The following INPP4B variants were observed in gnomAD, a reference collection of about 807,000 sequenced individuals.
INPP4B encodes inositol polyphosphate 4-phosphatase type II.
In INPP4B, 55 loss-of-function variants were observed where a neutral mutation model predicts 122.5. The ratio of observed to expected loss-of-function variants is 0.45; its 90% CI spans 0.36 to 0.56. The LOEUF (loss-of-function observed/expected upper bound fraction) is 0.56, where lower values mean the gene tolerates loss of function less well. Ranked by LOEUF, INPP4B falls within the 20% of genes least tolerant of loss-of-function variation. The pLI, the probability that INPP4B is intolerant of heterozygous loss-of-function variation, is 0.00. For missense variants in INPP4B, 1,000 were observed against 1,097.7 expected (o/e 0.91, Z 1.26); for synonymous variants, 403 against 388.7 (o/e 1.04, Z -0.43).
intron 2 of INPP4B, among the ~76,000 whole-genome samples, chr4:142,521,552 T>C (rs1219882377): frequency 6.6e-6 from 1 of 152,002 alleles, no homozygotes; most frequent in Non-Finnish European, 1.5e-5. Flanking sequence ...TTTGCCATAT[T>C]TGGTTCAGAT....
At chr4:142,227,113 G>A (rs1476089554) in intron 12 of INPP4B, among the ~76,000 whole-genome samples, 1 of 152,128 alleles carries the variant, frequency 6.6e-6, no homozygotes, top group Non-Finnish European at 1.5e-5. Flanking sequence ...GAACTCCATG[G>A]CAGTGGATGC....
At chr4:142,803,101 G>A (rs1422443617) in intron 1 of INPP4B, among the ~76,000 whole-genome samples, 1 of 151,096 alleles carries the variant, frequency 6.6e-6, no homozygotes, top group African/African-American at 2.4e-5. Flanking sequence ...GAACCCAGGA[G>A]GCGGAGGTTG....
chr4:142,618,566 A>G (rs1419826317), intron 2 of INPP4B, among the ~76,000 whole-genome samples: 2 of 152,222 alleles, frequency 1.3e-5, no homozygotes, highest in Middle Eastern at 3.4e-3. Context: ...TTCTTCCACT[A>G]TACACATACA....
Position 142,243,428 on chromosome 4 carries a change from T to A in INPP4B, c.689-5417A>T, listed in dbSNP as rs563460998. 8.5e-4 allele frequency among the ~76,000 whole-genome samples: 129 copies of A among 152,272 alleles called. 1 individual carries two copies. The highest frequency in any genetic ancestry group is 1.7e-3 in the Non-Finnish European group (116 of 68,022). ...TAATGAAAACATATGGAAATTTCAA[T>A]AGAGCAAAGCCAGTGGATTGCATCA... On this transcript the variant is annotated intron_variant, in intron 11 of 25. Transcript: ENST00000262992.
At chr4:142,248,811 T>G (rs944307088) in intron 11 of INPP4B, among the ~76,000 whole-genome samples, 3 of 152,138 alleles carry the variant, frequency 2.0e-5, no homozygotes, top group African/African-American at 7.2e-5. Context: ...GAATTTTTTT[T>G]CTACCAATAA....
intron 1 of INPP4B, among the ~76,000 whole-genome samples, chr4:142,812,475 GTTT>G: frequency 6.6e-6 from 1 of 152,044 alleles, no homozygotes; most frequent in Non-Finnish European, 1.5e-5. Flanking sequence ...AAATATAGCT[GTTT>G]AACAAATTCC....
At chr4:142,381,223 TGA>T (rs1209202382) in intron 7 of INPP4B, among the ~76,000 whole-genome samples, 1 of 152,184 alleles carries the variant, frequency 6.6e-6, no homozygotes, top group African/African-American at 2.4e-5. Flanking sequence ...CAGCAATGTA[TGA>T]GAGTACGCTT....
intron 6 of INPP4B, 110 bp downstream of exon 6, chr4:142,405,096 A>G: frequency 1.7e-6 from 1 of 601,972 alleles, no homozygotes; most frequent in Admixed American, 2.8e-5. Flanking sequence ...CTGTTCATTC[A>G]AATCCAGAGA....
At chr4:142,627,801 T>C (rs1037898421) in intron 2 of INPP4B, among the ~76,000 whole-genome samples, 4 of 152,172 alleles carry the variant, frequency 2.6e-5, no homozygotes, top group African/African-American at 7.2e-5. Context: ...CTTTTTCTAT[T>C]GATTGGAATA....
At chr4:142,175,958 T>A (rs1827955673) in intron 15 of INPP4B, among the ~76,000 whole-genome samples, 1 of 151,928 alleles carries the variant, frequency 6.6e-6, no homozygotes, top group Non-Finnish European at 1.5e-5. Flanking sequence ...CACTTCTATG[T>A]GATCCCTCTT....
chr4:142,187,095 A>T (rs1833499707), intron 15 of INPP4B, among the ~76,000 whole-genome samples: 1 of 152,170 alleles, frequency 6.6e-6, no homozygotes, highest in Non-Finnish European at 1.5e-5. Context: ...AGGAAAAAAA[A>T]AATGTACTCC....
At chr4:142,760,585 C>T (rs1771184432) in intron 1 of INPP4B, among the ~76,000 whole-genome samples, 2 of 152,016 alleles carry the variant, frequency 1.3e-5, no homozygotes, top group South Asian at 4.1e-4. Context: ...TTTATACTTT[C>T]AACTACTGAC....
chr4:142,543,336 T>C (rs1045472996), intron 2 of INPP4B, among the ~76,000 whole-genome samples: 1 of 152,172 alleles, frequency 6.6e-6, no homozygotes, highest in African/African-American at 2.4e-5. Context: ...TACTGCACAT[T>C]TGGTAAATAT....
chr4:142,089,971 C>G (rs1778731491), intron 23 of INPP4B, among the ~76,000 whole-genome samples: 1 of 152,148 alleles, frequency 6.6e-6, no homozygotes, highest in Admixed American at 6.5e-5. Context: ...TAATTTCTCC[C>G]AAATCTCTGC....
intron 2 of INPP4B, among the ~76,000 whole-genome samples, chr4:142,557,255 T>C (rs557788011): frequency 6.6e-6 from 1 of 152,126 alleles, no homozygotes; most frequent in African/African-American, 2.4e-5. Flanking sequence ...TGGATAAAAA[T>C]TGAACTAAAT....
intron 9 of INPP4B, among the ~76,000 whole-genome samples, chr4:142,273,432 A>G (rs3102440): frequency 0.55 from 83,370 of 151,714 alleles, 26,602 homozygotes; most frequent in Non-Finnish European, 0.7. Flanking sequence ...TACTGGGGAT[A>G]CAAAGACTTT....
At chr4:142,450,208 C>A (rs1458526955) in intron 3 of INPP4B, among the ~76,000 whole-genome samples, 1 of 152,178 alleles carries the variant, frequency 6.6e-6, no homozygotes, top group Non-Finnish European at 1.5e-5. Context: ...CAAGGACAGA[C>A]CAAAGTACCT....
intron 2 of INPP4B, among the ~76,000 whole-genome samples, chr4:142,641,966 G>A (rs1750578161): frequency 6.6e-6 from 1 of 152,134 alleles, no homozygotes; most frequent in African/African-American, 2.4e-5. Context: ...CATTCTAACT[G>A]GTGTGAGATG....
At chr4:142,218,226 C>G (rs926288265) in intron 12 of INPP4B, among the ~76,000 whole-genome samples, 1 of 152,112 alleles carries the variant, frequency 6.6e-6, no homozygotes, top group East Asian at 1.9e-4. Context: ...TTAGGCTCTT[C>G]CATGGGCTTT....
Sources: gnomAD v4.1 joint callset for allele counts (sites outside exome capture counted in the v4.1 genomes callset) on GRCh38, gnomAD v4.1.1 for gene constraint, MANE v1.5 for transcripts, NCBI Gene and HGNC (gene_info 2026-07-23, HGNC 2026-07-21) for gene names.